The following MYO1B variants were observed in gnomAD, a reference collection of about 807,000 sequenced individuals.
MYO1B encodes the protein myosin IB.
A neutral mutation model predicts 159.7 loss-of-function variants in MYO1B; 72 were observed. The observed-to-expected ratio is 0.45, with a 90% CI of 0.37 to 0.55. The LOEUF is 0.55. Ranked by LOEUF, MYO1B falls within the 20% of genes least tolerant of loss-of-function variation. The pLI, the probability that MYO1B is intolerant of heterozygous loss-of-function variation, is 0.00. For synonymous variants in MYO1B, 468 were observed against 473.8 expected (o/e 0.99, Z 0.16); for missense variants, 1,062 against 1,364.8 (o/e 0.78, Z 3.50).
At chr2:191,302,108 A>G (rs1689371827) in intron 3 of MYO1B, among the ~76,000 whole-genome samples, 1 of 152,150 alleles carries the variant, frequency 6.6e-6, no homozygotes, top group South Asian at 2.1e-4. Flanking sequence ...CCACTGTTAA[A>G]ATCCTGCCAG....
intron 1 of MYO1B, among the ~76,000 whole-genome samples, chr2:191,256,181 C>T (rs2125674448): frequency 6.6e-6 from 1 of 152,324 alleles, no homozygotes; most frequent in Non-Finnish European, 1.5e-5. Context: ...TAGTGAAAAG[C>T]TATGTGGTGC....
intron 18 of MYO1B, among the ~76,000 whole-genome samples, chr2:191,390,995 T>C (rs1695713907): frequency 6.6e-6 from 1 of 152,272 alleles, no homozygotes; most frequent in Admixed American, 6.5e-5. Context: ...CCCAGGGCCA[T>C]ACAGCTTTCA....
chr2:191,299,509 G>T (rs1689180394), intron 3 of MYO1B, among the ~76,000 whole-genome samples: 1 of 152,142 alleles, frequency 6.6e-6, no homozygotes, highest in Non-Finnish European at 1.5e-5. Context: ...TTTCTCCAAA[G>T]CAACTCGTGT....
chr2:191,287,049 C>G (rs954050175), intron 2 of MYO1B, among the ~76,000 whole-genome samples: 1 of 152,138 alleles, frequency 6.6e-6, no homozygotes, highest in African/African-American at 2.4e-5. Flanking sequence ...CTTTCAAGTC[C>G]TGATTTGGCT....
intron 2 of MYO1B, among the ~76,000 whole-genome samples, chr2:191,280,498 C>T (rs979049286): frequency 6.6e-6 from 1 of 152,318 alleles, no homozygotes; most frequent in East Asian, 1.9e-4. Flanking sequence ...ATTCCCGCAT[C>T]GCGCTGGCTA....
intron 22 of MYO1B, 130 bp downstream of exon 22, chr2:191,400,598 T>A: frequency 7.4e-7 from 1 of 1,350,298 alleles, no homozygotes; most frequent in South Asian, 1.2e-5. Flanking sequence ...TTCTTGCTCT[T>A]TCCAACATTT....
intron 3 of MYO1B, among the ~76,000 whole-genome samples, chr2:191,314,517 C>G (rs970076864): frequency 3.9e-5 from 6 of 152,184 alleles, no homozygotes; most frequent in Non-Finnish European, 5.9e-5. Flanking sequence ...AGATGTTGGT[C>G]TCTTCTATAT....
intron 1 of MYO1B, among the ~76,000 whole-genome samples, chr2:191,264,510 G>A (rs561529702): frequency 2.7e-5 from 4 of 150,686 alleles, no homozygotes; most frequent in Non-Finnish European, 4.4e-5. Flanking sequence ...TCCTAACTAG[G>A]TGAATTTTTA....
intron 2 of MYO1B, among the ~76,000 whole-genome samples, chr2:191,290,541 T>A (rs2125792498): frequency 1.3e-5 from 2 of 152,334 alleles, no homozygotes; most frequent in South Asian, 4.1e-4. Flanking sequence ...GAACAAAAAA[T>A]ATCAATGTAT....
At chr2:191,334,936 G>T (rs1166217335) in intron 4 of MYO1B, among the ~76,000 whole-genome samples, 5 of 152,152 alleles carry the variant, frequency 3.3e-5, no homozygotes, top group African/African-American at 1.2e-4. Context: ...GCTTTTAAAA[G>T]CCTACTTGCA....
At chr2:191,350,094 C>T (rs1692815253) in intron 6 of MYO1B, 68 bp from the exon 7 acceptor site, 1 of 1,286,606 alleles carries the variant, frequency 7.8e-7, no homozygotes, top group Admixed American at 1.7e-5. Flanking sequence ...GTCTGCTGTT[C>T]TCTAAGAAGT....
At chr2:191,383,850 C>T (rs1695244172) in intron 15 of MYO1B, among the ~76,000 whole-genome samples, 1 of 151,948 alleles carries the variant, frequency 6.6e-6, no homozygotes, top group Non-Finnish European at 1.5e-5. Context: ...CATTTCATTC[C>T]CAAAACTCTA....
At chr2:191,308,273 C>T (rs1689775272) in intron 3 of MYO1B, among the ~76,000 whole-genome samples, 3 of 152,182 alleles carry the variant, frequency 2.0e-5, no homozygotes, top group African/African-American at 7.2e-5. Context: ...AGACCAGATA[C>T]ATTTGTTTTT....
rs116423654 is a variant in MYO1B at position 191,421,528 on chromosome 2, G to A, written c.3288-2309G>A. 6.9e-3 allele frequency among the ~76,000 whole-genome samples: 1,055 copies of A among 151,956 alleles called. 9 individuals carry two copies. Among genetic ancestry groups the A allele is most frequent in the African/African-American group, 0.025 (1,017 of 41,446 alleles). On this transcript the variant is annotated intron_variant, in intron 30 of 30. Coordinates refer to ENST00000392318, the MANE Select transcript of MYO1B (RefSeq NM_001130158.3). ...CCCTCTGTCACCCAGGTCAGAGTCCGGTGGTGTGATCCCGGCTCAATGCAG... is the reference window on the plus strand; with the variant it reads ...CCCTCTGTCACCCAGGTCAGAGTCCAGTGGTGTGATCCCGGCTCAATGCAG...
chr2:191,353,013 A>G (rs945213782), intron 7 of MYO1B, among the ~76,000 whole-genome samples: 1 of 152,202 alleles, frequency 6.6e-6, no homozygotes, highest in African/African-American at 2.4e-5. Context: ...AAGGCACAAT[A>G]TCCCTTGAGC....
At chr2:191,383,547 C>CACACACACAT (rs1553559199) in intron 15 of MYO1B, among the ~76,000 whole-genome samples, 1 of 14,548 alleles carries the variant, frequency 6.9e-5, no homozygotes, top group Admixed American at 5.1e-4. Flanking sequence ...CACACACACA[C>CACACACACAT]ATATATATAT....
intron 17 of MYO1B, chr2:191,388,023 C>T (rs1292649835): frequency 3.2e-5 from 5 of 157,776 alleles, no homozygotes; most frequent in African/African-American, 9.6e-5. Flanking sequence ...GTGGCTCACA[C>T]CTATAATCCC....
rs190453429 is a variant in MYO1B at position 191,334,142 on chromosome 2, A to G, written c.346+4113A>G. ...GTTTTTTTTTTTTTAGGATATTCTAATTGTATCAATTCGTTCCTAAATGAG... is the reference window on the plus strand; with the variant it reads ...GTTTTTTTTTTTTTAGGATATTCTAGTTGTATCAATTCGTTCCTAAATGAG... On this transcript the variant is annotated intron_variant, in intron 4 of 30. Coordinates refer to ENST00000392318, the MANE Select transcript of MYO1B (RefSeq NM_001130158.3). Among the ~76,000 whole-genome samples, 194 of 150,144 alleles carry G rather than the reference A, an allele frequency of 1.3e-3. 1 individual carries two copies. Among genetic ancestry groups the G allele is most frequent in the African/African-American group, 4.4e-3 (181 of 40,844 alleles).
intron 1 of MYO1B, among the ~76,000 whole-genome samples, chr2:191,265,996 T>C (rs1281400214): frequency 6.6e-6 from 1 of 152,144 alleles, no homozygotes. Context: ...AGGGCATGAC[T>C]TTCAGACCCA....
Sources: allele counts gnomAD v4.1 joint callset (sites outside exome capture counted in the v4.1 genomes callset), GRCh38; gene constraint gnomAD v4.1.1; transcripts MANE v1.5; gene names NCBI Gene and HGNC (gene_info 2026-07-23, HGNC 2026-07-21).